The following SAMTOR variants were observed in gnomAD, a reference collection of about 807,000 sequenced individuals.
The protein encoded by SAMTOR is S-adenosylmethionine sensor upstream of mTORC1.
chr7:112,939,660 GT>G, the SAMTOR span: 1 of 1,613,872 alleles, frequency 6.2e-7, no homozygotes, highest in Non-Finnish European at 8.5e-7. Context: ...TCCTGCTCCA[GT>G]TTCCGCTCCT....
chr7:112,896,733 C>T, the SAMTOR span, among the ~76,000 whole-genome samples: 18 of 151,910 alleles, frequency 1.2e-4, no homozygotes, highest in East Asian at 2.7e-3. Flanking sequence ...CTATATATAA[C>T]AATAAAAAAC....
chr7:112,883,623 G>C, the SAMTOR span, among the ~76,000 whole-genome samples: 2 of 152,294 alleles, frequency 1.3e-5, no homozygotes, highest in South Asian at 4.1e-4. Flanking sequence ...ATGCTTCTTA[G>C]AGCACTGTGC....
the SAMTOR span, among the ~76,000 whole-genome samples, chr7:112,872,713 T>A: frequency 6.6e-6 from 1 of 152,084 alleles, no homozygotes; most frequent in Admixed American, 6.6e-5. Context: ...GGTATGATTC[T>A]GTTCTTCAGA....
At chr7:112,913,666 A>T in the SAMTOR span, among the ~76,000 whole-genome samples, 6 of 152,120 alleles carry the variant, frequency 3.9e-5, no homozygotes, top group Non-Finnish European at 8.8e-5. Flanking sequence ...CTAGCTGTTC[A>T]TTGCCTTATT....
chr7:112,895,600 G>T, the SAMTOR span: 1 of 1,575,918 alleles, frequency 6.3e-7, no homozygotes, highest in Non-Finnish European at 8.7e-7. Flanking sequence ...GTAAAGCTGA[G>T]GTTGGTTAAA....
the SAMTOR span, among the ~76,000 whole-genome samples, chr7:112,871,336 G>C: frequency 6.6e-6 from 1 of 152,008 alleles, no homozygotes; most frequent in Admixed American, 6.5e-5. Context: ...ATATCACAGA[G>C]GAATAAAAAT....
the SAMTOR span, among the ~76,000 whole-genome samples, chr7:112,832,850 GAAGTT>G: frequency 5.3e-5 from 8 of 152,218 alleles, no homozygotes; most frequent in Admixed American, 1.3e-4. Flanking sequence ...GATCATATTT[GAAGTT>G]AAGATGAACA....
At chr7:112,898,688 G>C in the SAMTOR span, among the ~76,000 whole-genome samples, 94 of 152,338 alleles carry the variant, frequency 6.2e-4, no homozygotes, top group Non-Finnish European at 1.2e-3. Flanking sequence ...GCCAGCTGTG[G>C]TGGCCACAAG....
the SAMTOR span, among the ~76,000 whole-genome samples, chr7:112,837,211 T>C: frequency 6.6e-6 from 1 of 151,920 alleles, no homozygotes; most frequent in Non-Finnish European, 1.5e-5. Flanking sequence ...GTGGATGGGG[T>C]TGTGTTCTTG....
the SAMTOR span, among the ~76,000 whole-genome samples, chr7:112,876,212 A>C: frequency 5.3e-5 from 8 of 152,062 alleles, no homozygotes. Context: ...TGCCTGTCTC[A>C]ACCTTCCAAA....
At chr7:112,886,076 T>G in the SAMTOR span, among the ~76,000 whole-genome samples, 1 of 152,110 alleles carries the variant, frequency 6.6e-6, no homozygotes, top group South Asian at 2.1e-4. Flanking sequence ...GAAAAGCCCC[T>G]TATAAAACTA....
chr7:112,823,711 G>A, the SAMTOR span, among the ~76,000 whole-genome samples: 2 of 152,208 alleles, frequency 1.3e-5, no homozygotes, highest in African/African-American at 4.8e-5. Context: ...TACAGTAGGT[G>A]GTGTAGTAGG....
the SAMTOR span, among the ~76,000 whole-genome samples, chr7:112,830,438 G>A: frequency 6.6e-6 from 1 of 151,976 alleles, no homozygotes; most frequent in Non-Finnish European, 1.5e-5. Context: ...GTCTTCCCTG[G>A]TGACTATACA....
chr7:112,852,684 A>G, the SAMTOR span, among the ~76,000 whole-genome samples: 16 of 152,132 alleles, frequency 1.1e-4, no homozygotes, highest in Non-Finnish European at 2.1e-4. Flanking sequence ...TAGTTTTTCT[A>G]TATCAACTTG....
At chr7:112,872,190 C>G in the SAMTOR span, among the ~76,000 whole-genome samples, 1 of 152,116 alleles carries the variant, frequency 6.6e-6, no homozygotes. Context: ...CAATAAACTA[C>G]AGCCAATATA....
chr7:112,899,824 G>T, the SAMTOR span, among the ~76,000 whole-genome samples: 1 of 139,930 alleles, frequency 7.1e-6, no homozygotes, highest in Admixed American at 7.0e-5. Context: ...TTTCAACTGA[G>T]AATACTGTAC....
the SAMTOR span, among the ~76,000 whole-genome samples, chr7:112,873,724 T>TA: frequency 6.6e-6 from 1 of 152,030 alleles, no homozygotes; most frequent in East Asian, 1.9e-4. Flanking sequence ...GGAACCTAAT[T>TA]AAACTAAAGA....
chr7:112,888,320 T>C, the SAMTOR span, among the ~76,000 whole-genome samples: 1 of 152,156 alleles, frequency 6.6e-6, no homozygotes, highest in Non-Finnish European at 1.5e-5. Flanking sequence ...TCTTTTTAAA[T>C]TGGTTAAGAT....
At chr7:112,924,913 T>C in the SAMTOR span, among the ~76,000 whole-genome samples, 1 of 152,056 alleles carries the variant, frequency 6.6e-6, no homozygotes, top group African/African-American at 2.4e-5. Flanking sequence ...TAACTATTCA[T>C]AAAACACAAG....
Sources: allele counts gnomAD v4.1 joint callset (sites outside exome capture counted in the v4.1 genomes callset), GRCh38; gene constraint gnomAD v4.1.1; transcripts MANE v1.5; gene names NCBI Gene and HGNC (gene_info 2026-07-23, HGNC 2026-07-21).